TTC6: variants seen among roughly 807,000 people sequenced by gnomAD.
TTC6 encodes the protein tetratricopeptide repeat domain 6.
A neutral mutation model predicts 210.4 loss-of-function variants in TTC6; 172 were observed. That is an observed-to-expected ratio of 0.82 (90% CI 0.72 to 0.93). The LOEUF (loss-of-function observed/expected upper bound fraction) is 0.93. Among genes scored for constraint, TTC6 ranks in the 40% least tolerant of loss-of-function variants. TTC6 has a pLI of 0.00. For missense variants in TTC6, 2,414 were observed against 2,318.1 expected (o/e 1.04, Z -0.85); for synonymous variants, 804 against 819.6 (o/e 0.98, Z 0.32).
chr14:37,811,618 A>G (rs2096129768), intron 24 of TTC6, among the ~76,000 whole-genome samples: 1 of 152,224 alleles, frequency 6.6e-6, no homozygotes, highest in Admixed American at 6.5e-5. Flanking sequence ...CCTGGTACAG[A>G]GTAGAAACCA....
chr14:37,812,582 T>C (rs901290565), intron 25 of TTC6, 149 bp downstream of exon 27: 59 of 721,598 alleles, frequency 8.2e-5, no homozygotes, highest in Middle Eastern at 2.8e-4. Context: ...AAATGACTAA[T>C]AGGCTCTTTG....
chr14:37,745,741 A>G (rs2095934018), intron 10 of TTC6, among the ~76,000 whole-genome samples: 1 of 152,122 alleles, frequency 6.6e-6, no homozygotes, highest in Non-Finnish European at 1.5e-5. Context: ...CCAGTATGTA[A>G]TTACCCCTGG....
chr14:37,639,295 C>T (rs1266553284), intron 1 of TTC6, among the ~76,000 whole-genome samples: 8 of 152,268 alleles, frequency 5.3e-5, no homozygotes, highest in Admixed American at 2.0e-4. Context: ...GTTTGAATGA[C>T]ACCAGTACAA....
intron 1 of TTC6, among the ~76,000 whole-genome samples, chr14:37,637,394 T>C (rs761861052): frequency 6.6e-6 from 1 of 152,130 alleles, no homozygotes; most frequent in Non-Finnish European, 1.5e-5. Flanking sequence ...TGGGAGGAAA[T>C]ATTTGCAAAC....
At chr14:37,782,622 T>A (rs531887606) in intron 14 of TTC6, among the ~76,000 whole-genome samples, 1 of 152,206 alleles carries the variant, frequency 6.6e-6, no homozygotes, top group South Asian at 2.1e-4. Context: ...CCTTTATTTC[T>A]TTCTCCTGCC....
intron 14 of TTC6, among the ~76,000 whole-genome samples, chr14:37,768,710 A>G (rs1347742454): frequency 5.3e-5 from 8 of 151,956 alleles, no homozygotes; most frequent in Admixed American, 3.9e-4. Flanking sequence ...GGCTGAGACA[A>G]TGGGGTTTTC....
chr14:37,701,462 C>G, exon 5 of TTC6: 1 of 1,526,330 alleles, frequency 6.6e-7, no homozygotes, highest in South Asian at 1.2e-5. Context: ...CCACGATACC[C>G]TGCTTGGAAA....
chr14:37,781,715 G>A (rs1244569146), intron 14 of TTC6, among the ~76,000 whole-genome samples: 6 of 152,176 alleles, frequency 3.9e-5, no homozygotes, highest in Non-Finnish European at 7.4e-5. Context: ...CCTATGTCCT[G>A]AATGGTAATG....
chr14:37,689,167 T>C (rs2095799099), intron 3 of TTC6, among the ~76,000 whole-genome samples: 1 of 151,966 alleles, frequency 6.6e-6, no homozygotes, highest in Non-Finnish European at 1.5e-5. Flanking sequence ...AAAAATGCAG[T>C]TGGCATACTG....
intron 27 of TTC6, among the ~76,000 whole-genome samples, chr14:37,824,533 A>G (rs917570608): frequency 1.3e-5 from 2 of 152,276 alleles, no homozygotes; most frequent in Non-Finnish European, 2.9e-5. Flanking sequence ...TAGAACGGAA[A>G]CTGCTCTAGG....
intron 1 of TTC6, among the ~76,000 whole-genome samples, chr14:37,641,380 C>A (rs1198932051): frequency 6.6e-6 from 1 of 152,150 alleles, no homozygotes; most frequent in Non-Finnish European, 1.5e-5. Context: ...ACAGTAAAAT[C>A]AAAATCTTGA....
rs1206458815 is a variant in TTC6, at chr14:37,653,623, G to A, written c.940-26528G>A. Among the ~76,000 whole-genome samples the A allele has an allele frequency of 2.0e-5, 3 of 152,254 alleles. No homozygotes were observed. In the East Asian group the frequency reaches 5.8e-4, roughly 29 times the overall value. ...TGGACTGTGTGGAGGTGGATCTAGG[G>A]AGGCTGTTTTCAGTCCACTTGCACT... On this transcript the variant is annotated intron_variant, in intron 1 of 30. Transcript: ENST00000553443.
chr14:37,789,596 T>TTATATATATATATATATA lies in TTC6; in HGVS notation c.3437-1117_3437-1100dup, dbSNP rs1283814571. ...TGGTGTTGGGACATTTGGTTTCCTC[T>TTATATATATATATATATA]TATATATATATATATATATATTGTA... On this transcript the variant is annotated intron_variant, in intron 15 of 30. Transcript: ENST00000553443. Among the ~76,000 whole-genome samples the TTATATATATATATATATA allele has an allele frequency of 3.0e-3, 398 of 134,378 alleles. 2 individuals are homozygous for TTATATATATATATATATA. Among genetic ancestry groups the TTATATATATATATATATA allele is most frequent in the African/African-American group, 9.8e-3 (349 of 35,618 alleles). The allele number at this position is 134,378 out of a possible 152,430, so 88.2% of individuals were successfully genotyped here. A position where few individuals can be genotyped will look rare whatever the true frequency, so the allele number is the denominator to read the frequency against.
chr14:37,777,763 C>T (rs1382706097), intron 14 of TTC6, among the ~76,000 whole-genome samples: 2 of 128,956 alleles, frequency 1.6e-5, no homozygotes, highest in Admixed American at 8.7e-5. Flanking sequence ...TTGTCTCCTT[C>T]GTGTAGGTTT....
chr14:37,710,242 G>T (rs2095842524), intron 5 of TTC6, among the ~76,000 whole-genome samples: 1 of 152,138 alleles, frequency 6.6e-6, no homozygotes, highest in Non-Finnish European at 1.5e-5. Context: ...GAACCTCTCT[G>T]TTGGGGTCAT....
chr14:37,641,003 A>G (rs1161757861), intron 1 of TTC6, among the ~76,000 whole-genome samples: 1 of 152,206 alleles, frequency 6.6e-6, no homozygotes, highest in Non-Finnish European at 1.5e-5. Flanking sequence ...CTACTTTAAG[A>G]ATAATTTTTG....
At chr14:37,772,793 C>G (rs555009975) in intron 14 of TTC6, among the ~76,000 whole-genome samples, 2 of 152,276 alleles carry the variant, frequency 1.3e-5, no homozygotes, top group East Asian at 3.9e-4. Context: ...GAGCTGTAGA[C>G]CGGAGCTGTT....
At position 37,748,923 on chromosome 14, in the gene TTC6, C is replaced by G; in HGVS notation, c.2364-16C>G. 1 of 1,425,640 alleles carries G rather than the reference C, an allele frequency of 7.0e-7. No individual in the cohort carries two copies. The highest frequency in any genetic ancestry group is 9.1e-7 in the Non-Finnish European group (1 of 1,094,178). The allele number at this position is 1,425,640 out of a possible 1,614,324, so 88.3% of individuals were successfully genotyped here. ...GTATTTCTGTAATTTAAAAAAATCA[C>G]TCTTTTAAAAACTAGATCAGCATCT... On this transcript the variant is annotated splice_polypyrimidine_tract_variant and intron_variant, in intron 10 of 30. Transcript: ENST00000553443.
At chr14:37,831,581 T>A (rs2096185280) in intron 29 of TTC6, among the ~76,000 whole-genome samples, 1 of 149,900 alleles carries the variant, frequency 6.7e-6, no homozygotes, top group South Asian at 2.2e-4. Flanking sequence ...CCAGACGTTT[T>A]TTTTGTGTGT....
Sources: allele counts gnomAD v4.1 joint callset (sites outside exome capture counted in the v4.1 genomes callset), GRCh38; gene constraint gnomAD v4.1.1; transcripts MANE v1.5; gene names NCBI Gene and HGNC (gene_info 2026-07-23, HGNC 2026-07-21).